The following PRKG1 variants were observed in gnomAD, a reference collection of about 807,000 sequenced individuals.
PRKG1 encodes cGMP-dependent protein kinase 1.
In PRKG1, 35 loss-of-function variants were observed where a neutral mutation model predicts 88.1. That is an observed-to-expected ratio of 0.40 (90% CI 0.30 to 0.53). The LOEUF (loss-of-function observed/expected upper bound fraction) is 0.53, where lower values mean the gene tolerates loss of function less well. Among genes scored for constraint, PRKG1 ranks in the 20% least tolerant of loss-of-function variants. PRKG1 has a pLI of 0.59. For missense variants in PRKG1, 540 were observed against 839.8 expected, an observed-to-expected ratio of 0.64 and a Z score of 4.41; for synonymous variants, 303 against 292.5, an observed-to-expected ratio of 1.04 and a Z score of -0.37.
At chr10:51,764,871 G>C (rs1230678026) in intron 3 of PRKG1, among the ~76,000 whole-genome samples, 2 of 152,126 alleles carry the variant, frequency 1.3e-5, no homozygotes, top group Non-Finnish European at 2.9e-5. Context: ...TTATCAAATA[G>C]GCAGAGAGCT....
intron 3 of PRKG1, among the ~76,000 whole-genome samples, chr10:51,654,938 C>A (rs1840126965): frequency 1.3e-5 from 2 of 152,164 alleles, no homozygotes; most frequent in Non-Finnish European, 2.9e-5. Context: ...CAAGAGATTT[C>A]AATAAGCTTT....
intron 3 of PRKG1, among the ~76,000 whole-genome samples, chr10:51,576,147 T>C (rs1837879734): frequency 6.6e-6 from 1 of 151,900 alleles, no homozygotes; most frequent in South Asian, 2.1e-4. Context: ...GGTCACGCAC[T>C]TTGTAGTGAA....
intron 13 of PRKG1, among the ~76,000 whole-genome samples, chr10:52,281,931 A>T (rs1377295132): frequency 6.6e-6 from 1 of 152,124 alleles, no homozygotes; most frequent in African/African-American, 2.4e-5. Context: ...ATTTTTAATG[A>T]TGTGAATTTT....
At chr10:51,453,196 A>G (rs989103864) in intron 2 of PRKG1, among the ~76,000 whole-genome samples, 4 of 152,006 alleles carry the variant, frequency 2.6e-5, no homozygotes, top group East Asian at 1.9e-4. Context: ...TTCTTCATTA[A>G]TCTCACTAAA....
At chr10:51,664,817 C>T (rs904514793) in intron 3 of PRKG1, among the ~76,000 whole-genome samples, 1 of 152,056 alleles carries the variant, frequency 6.6e-6, no homozygotes, top group Non-Finnish European at 1.5e-5. Flanking sequence ...AAGATAGTAC[C>T]TAATTCAAAA....
intron 1 of PRKG1, among the ~76,000 whole-genome samples, chr10:51,032,331 A>G (rs1589115354): frequency 6.7e-6 from 1 of 149,276 alleles, no homozygotes; most frequent in Non-Finnish European, 1.5e-5. Context: ...GGCAACTCTC[A>G]TCTGCTATTA....
At chr10:51,313,792 C>T (rs901143087) in intron 2 of PRKG1, among the ~76,000 whole-genome samples, 2 of 152,158 alleles carry the variant, frequency 1.3e-5, no homozygotes, top group African/African-American at 2.4e-5. Context: ...CTTAAATCAT[C>T]TCTAGGTTAC....
chr10:51,053,639 T>C (rs1442987426), intron 1 of PRKG1, among the ~76,000 whole-genome samples: 1 of 152,184 alleles, frequency 6.6e-6, no homozygotes, highest in Non-Finnish European at 1.5e-5. Flanking sequence ...GTGACATCTT[T>C]ATTTTTAAAA....
intron 3 of PRKG1, among the ~76,000 whole-genome samples, chr10:51,561,140 G>A (rs574799968): frequency 1.3e-5 from 2 of 152,026 alleles, no homozygotes; most frequent in East Asian, 1.9e-4. Context: ...TTAGCTGGGT[G>A]TGGTAGCTGG....
At chr10:51,706,859 A>G (rs887421400) in intron 3 of PRKG1, among the ~76,000 whole-genome samples, 5 of 152,056 alleles carry the variant, frequency 3.3e-5, no homozygotes, top group African/African-American at 4.8e-5. Flanking sequence ...TACATGATAT[A>G]CTTATATTTT....
chr10:51,774,541 A>G (rs1258545292), intron 3 of PRKG1, among the ~76,000 whole-genome samples: 2 of 152,082 alleles, frequency 1.3e-5, no homozygotes, highest in Non-Finnish European at 2.9e-5. Context: ...GGGTTTTTTT[A>G]AGAGTACAGT....
At chr10:51,867,124 A>G in intron 4 of PRKG1, among the ~76,000 whole-genome samples, 1 of 152,190 alleles carries the variant, frequency 6.6e-6, no homozygotes, top group East Asian at 1.9e-4. Flanking sequence ...GGTACAGAGC[A>G]GAGGAAAAAT....
intron 1 of PRKG1, among the ~76,000 whole-genome samples, chr10:51,078,614 T>TTATG: frequency 7.0e-6 from 1 of 142,780 alleles, no homozygotes; most frequent in Non-Finnish European, 1.5e-5. Context: ...ATTTATTTAT[T>TTATG]TATTTATTTA....
chr10:51,742,361 TAAG>T (rs1366492957), intron 3 of PRKG1, among the ~76,000 whole-genome samples: 7 of 152,190 alleles, frequency 4.6e-5, no homozygotes, highest in Non-Finnish European at 5.9e-5. Flanking sequence ...GAAGATATAA[TAAG>T]GAGAATCTTG....
chr10:52,134,999 T>G (rs1680841902), intron 8 of PRKG1, among the ~76,000 whole-genome samples: 1 of 152,116 alleles, frequency 6.6e-6, no homozygotes, highest in Admixed American at 6.6e-5. Context: ...GAATCTCCCA[T>G]GTGCAAAGCA....
chr10:51,662,485 G>T (rs1377978162), intron 3 of PRKG1, among the ~76,000 whole-genome samples: 4 of 152,124 alleles, frequency 2.6e-5, no homozygotes, highest in Middle Eastern at 3.4e-3. Context: ...AAAACATATG[G>T]TATAAGACTT....
intron 1 of PRKG1, among the ~76,000 whole-genome samples, chr10:51,113,548 G>C (rs12570410): frequency 0.035 from 5,315 of 152,010 alleles, 236 homozygotes; most frequent in African/African-American, 0.1. Context: ...TTTTTAAATT[G>C]ACATCTATAC....
In PRKG1 at chr10:51,476,603, T is replaced by A. The variant is rs769754718; in HGVS notation, c.592+8767T>A. On this transcript the variant is annotated intron_variant, in intron 3 of 17. Coordinates refer to ENST00000373980, the MANE Select transcript of PRKG1 (RefSeq NM_006258.4). ...AAATTATCTTCCTAAGTGGATTATT[T>A]GTTGTTGTTGTTGTTGTTGCTTTAT... Among the ~76,000 whole-genome samples, 5 of 52,590 alleles carry A rather than the reference T, an allele frequency of 9.5e-5. No individual in the cohort carries two copies. The Admixed American group carries it at 1.2e-3, about 13-fold the overall frequency. 34.5% of individuals were successfully genotyped at this position (52,590 alleles called of 152,430 possible). A position where few individuals can be genotyped will look rare whatever the true frequency, so the allele number is the denominator to read the frequency against.
intron 3 of PRKG1, among the ~76,000 whole-genome samples, chr10:51,781,949 T>C (rs951647193): frequency 4.0e-5 from 6 of 151,608 alleles, no homozygotes; most frequent in African/African-American, 1.4e-4. Flanking sequence ...CAACACCCAT[T>C]GTATTTAGTT....
Sources: gnomAD v4.1 joint callset for allele counts (sites outside exome capture counted in the v4.1 genomes callset) on GRCh38, gnomAD v4.1.1 for gene constraint, MANE v1.5 for transcripts, NCBI Gene and HGNC (gene_info 2026-07-23, HGNC 2026-07-21) for gene names.